The following ABHD2 variants were observed in gnomAD, a reference collection of about 807,000 sequenced individuals.
ABHD2 encodes the protein monoacylglycerol lipase ABHD2.
A neutral mutation model predicts 48.1 loss-of-function variants in ABHD2; 20 were observed. The observed-to-expected ratio is 0.42, with a 90% confidence interval of 0.29 to 0.60. The LOEUF is 0.60. ABHD2 is among the 20% of genes least tolerant of loss of function. The pLI is 0.24. For missense variants in ABHD2, 405 were observed against 550.9 expected (o/e 0.74, Z 2.65); for synonymous variants, 209 against 214.2 (o/e 0.98, Z 0.21).
the ABHD2 span, among the ~76,000 whole-genome samples, chr15:89,055,860 G>C: frequency 6.6e-6 from 1 of 151,984 alleles, no homozygotes; most frequent in Non-Finnish European, 1.5e-5. Context: ...TGTGTAATGT[G>C]ATTTTTGCTT....
At chr15:89,141,049 G>T (rs1373757859) in intron 3 of ABHD2, among the ~76,000 whole-genome samples, 2 of 151,848 alleles carry the variant, frequency 1.3e-5, no homozygotes, top group Non-Finnish European at 2.9e-5. Flanking sequence ...ACTCACTGCA[G>T]CCTTGACCTC....
chr15:89,043,622 C>A, the ABHD2 span, among the ~76,000 whole-genome samples: 1 of 90,130 alleles, frequency 1.1e-5, no homozygotes, highest in Non-Finnish European at 2.1e-5. Flanking sequence ...GACGAGGAGG[C>A]GGAAGGAGGA....
At chr15:89,187,127 A>AC (rs574528291) in intron 7 of ABHD2, among the ~76,000 whole-genome samples, 288 of 152,310 alleles carry the variant, frequency 1.9e-3, no homozygotes, top group South Asian at 4.3e-3. Context: ...GGCCTCTGAC[A>AC]CCAAGTCCAA....
At chr15:89,162,180 A>G (rs923179096) in intron 5 of ABHD2, among the ~76,000 whole-genome samples, 1 of 152,194 alleles carries the variant, frequency 6.6e-6, no homozygotes, top group Admixed American at 6.5e-5. Context: ...GAGAGACACT[A>G]TTCAGCCCAT....
At position 89,195,880 on chromosome 15, in the gene ABHD2, A is replaced by T. The variant is rs2051393445; in HGVS notation, c.*457A>T. The T allele has an allele frequency of 6.5e-6, 1 of 153,144 alleles. No homozygotes were observed. Among genetic ancestry groups the T allele is most frequent in the South Asian group, 2.1e-4 (1 of 4,852 alleles). The allele number at this position is 153,144 out of a possible 1,614,324, so 9.5% of individuals were successfully genotyped here. ...CCTTCCAGGCCAATGCTGAAGACAC[A>T]GCTCCGCTTGGGAGCCTGAGAACCC... On this transcript the variant is annotated 3_prime_UTR_variant, in exon 11 of 11. Coordinates refer to ENST00000352732, the MANE Select transcript of ABHD2 (RefSeq NM_152924.5). This position sits in a 1 kb window ranked among gnomAD's most constrained non-coding sequence, Gnocchi z 5.1.
At position 89,137,729 on chromosome 15, in the gene ABHD2, A is replaced by G. The variant is rs2050338080; in HGVS notation, c.195-13948A>G. ...GAAGAATTTGCCTCCAGTGAGGGGA[A>G]AATGCTGTGTTCAAAGTGGATTTCT... On this transcript the variant is annotated intron_variant, in intron 3 of 10. Coordinates refer to ENST00000352732, the MANE Select transcript of ABHD2 (RefSeq NM_152924.5). The surrounding 1 kb of genome is among the most constrained non-coding windows in gnomAD (Gnocchi z 4.8). Among the ~76,000 whole-genome samples the G allele has an allele frequency of 6.6e-6, 1 of 152,232 alleles. No homozygotes were observed. Among genetic ancestry groups the G allele is most frequent in the Non-Finnish European group, 1.5e-5 (1 of 68,042 alleles).
intron 3 of ABHD2, among the ~76,000 whole-genome samples, chr15:89,133,811 C>T (rs2050257362): frequency 6.6e-6 from 1 of 150,470 alleles, no homozygotes; most frequent in South Asian, 2.1e-4. Flanking sequence ...TGACTTTGCC[C>T]ATAGTGGTAT....
In ABHD2 at chr15:89,191,140, C is replaced by G; in HGVS notation, c.987C>G (p.Tyr329Ter). 1 of 1,613,980 alleles carries G rather than the reference C, an allele frequency of 6.2e-7. No individual in the cohort carries two copies. Among genetic ancestry groups the G allele is most frequent in the Non-Finnish European group, 8.5e-7 (1 of 1,179,982 alleles). Residue 329 changes from tyrosine (Y) to a stop codon, truncating the protein, a stop_gained, in exon 9 of 11, where the codon TAC becomes TAG. Transcript: ENST00000352732. LOFTEE classifies it high-confidence loss of function. ...EYYEEESCMRYLHRIYVPLML... is the reference protein window; with the variant it reads ...EYYEEESCMR ...ATGAGGAAGAAAGTTGCATGCGGTA[C>G]CTGCACAGGGTGAGTGGCCATCACG...
chr15:89,201,528 T>G lies in ABHD2; in HGVS notation c.*6105T>G, dbSNP rs1326858428. On this transcript the variant is annotated 3_prime_UTR_variant, in exon 11 of 11. Transcript: ENST00000352732. ...CAAAAATTGTACCATAAACTTGTGTTTACTCTTTTCATTCGGATCATAGTC... is the reference window on the plus strand; with the variant it reads ...CAAAAATTGTACCATAAACTTGTGTGTACTCTTTTCATTCGGATCATAGTC... 1 of 1,594,558 alleles carries G rather than the reference T, an allele frequency of 6.3e-7. No individual in the cohort carries two copies. The highest frequency in any genetic ancestry group is 1.3e-5 in the African/African-American group (1 of 74,538).
intron 1 of ABHD2, among the ~76,000 whole-genome samples, chr15:89,103,550 T>A (rs752578462): frequency 6.6e-6 from 1 of 152,210 alleles, no homozygotes. Flanking sequence ...TTATATCACA[T>A]GGACTCTTAA....
intron 5 of ABHD2, among the ~76,000 whole-genome samples, chr15:89,170,011 G>C (rs1035321298): frequency 1.4e-5 from 2 of 138,234 alleles, no homozygotes; most frequent in Admixed American, 7.6e-5. Flanking sequence ...GAGGGTGCCA[G>C]CCCCACTGTT....
intron 1 of ABHD2, among the ~76,000 whole-genome samples, chr15:89,103,279 T>C (rs1028785173): frequency 1.2e-4 from 18 of 152,364 alleles, no homozygotes; most frequent in African/African-American, 4.3e-4. Context: ...AGCTTTCTGC[T>C]AAAGAGCTGA....
chr15:89,144,074 G>A (rs2050452097), intron 3 of ABHD2, among the ~76,000 whole-genome samples: 8 of 152,144 alleles, frequency 5.3e-5, no homozygotes, highest in Admixed American at 5.2e-4. Context: ...ACAAAAGCCT[G>A]TACATAAATG....
At chr15:89,056,907 C>T in the ABHD2 span, among the ~76,000 whole-genome samples, 11 of 119,114 alleles carry the variant, frequency 9.2e-5, no homozygotes, top group African/African-American at 2.9e-4. Flanking sequence ...ATAAGTGATA[C>T]CTTTTTTTTT....
chr15:89,143,688 CAAA>C (rs10707555), intron 3 of ABHD2, among the ~76,000 whole-genome samples: 16 of 129,998 alleles, frequency 1.2e-4, no homozygotes, highest in Non-Finnish European at 3.5e-5. Flanking sequence ...CATCTCAAAA[CAAA>C]AAAAAAAAAA....
intron 1 of ABHD2, among the ~76,000 whole-genome samples, chr15:89,099,526 T>C (rs1164514373): frequency 6.6e-6 from 1 of 152,126 alleles, no homozygotes; most frequent in Non-Finnish European, 1.5e-5. Context: ...GGCAGGAAGA[T>C]CACTTGAGCC....
chr15:89,185,603 C>T lies in ABHD2; in HGVS notation c.815+87C>T. On this transcript the variant is annotated intron_variant, in intron 7 of 10. Coordinates refer to ENST00000352732, the MANE Select transcript of ABHD2 (RefSeq NM_152924.5). This position sits in a 1 kb window ranked among gnomAD's most constrained non-coding sequence, Gnocchi z 5.9. ...CCGTGAAAAGCCAGGACTCCTGTTC[C>T]TTCAGGGGAAAAAAAAAAATGCAGG... is the stretch of plus-strand genomic sequence containing the variant. The T allele has an allele frequency of 8.4e-7, 1 of 1,191,502 alleles. No homozygotes were observed. 73.8% of individuals were successfully genotyped at this position (1,191,502 alleles called of 1,614,324 possible). A position where few individuals can be genotyped will look rare whatever the true frequency, so the allele number is the denominator to read the frequency against.
the ABHD2 span, among the ~76,000 whole-genome samples, chr15:89,053,515 G>C: frequency 2.6e-5 from 4 of 152,318 alleles, no homozygotes; most frequent in African/African-American, 9.6e-5. Flanking sequence ...CCAGCGCTGT[G>C]ACCAACAGCA....
chr15:89,062,530 T>A, the ABHD2 span, among the ~76,000 whole-genome samples: 1 of 151,558 alleles, frequency 6.6e-6, no homozygotes, highest in Non-Finnish European at 1.5e-5. Flanking sequence ...TAGCTGGGAG[T>A]AGAGGCACAC....
Sources: gnomAD v4.1 joint callset for allele counts (sites outside exome capture counted in the v4.1 genomes callset) on GRCh38, gnomAD v4.1.1 for gene constraint, Gnocchi (gnomAD v3.1) non-coding constraint, MANE v1.5 for transcripts, NCBI Gene and HGNC (gene_info 2026-07-23, HGNC 2026-07-21) for gene names.